The following SGCD variants were observed in gnomAD, a reference collection of about 807,000 sequenced individuals.
The protein encoded by SGCD is sarcoglycan delta, also known as delta-sarcoglycan.
A neutral mutation model predicts 36.6 loss-of-function variants in SGCD; 18 were observed. That is an observed-to-expected ratio of 0.49 (90% CI 0.34 to 0.73). The LOEUF (loss-of-function observed/expected upper bound fraction) is 0.73. Among genes scored for constraint, SGCD ranks in the 30% least tolerant of loss-of-function variants. The probability of loss-of-function intolerance (pLI) is 0.01; values close to 1 mark genes in which losing one functional copy is unlikely to be tolerated. For missense variants in SGCD, 387 were observed against 346.7 expected, an observed-to-expected ratio of 1.12 and a Z score of -0.92; for synonymous variants, 133 against 130.6, an observed-to-expected ratio of 1.02 and a Z score of -0.12.
chr5:156,217,667 C>T (rs1215315077), intron 3 of SGCD, among the ~76,000 whole-genome samples: 1 of 152,128 alleles, frequency 6.6e-6, no homozygotes, highest in African/African-American at 2.4e-5. Flanking sequence ...TTGAACTCTA[C>T]AACAATTTTT....
At chr5:156,000,997 G>C (rs956398420) in intron 1 of SGCD, among the ~76,000 whole-genome samples, 1 of 152,078 alleles carries the variant, frequency 6.6e-6, no homozygotes, top group Non-Finnish European at 1.5e-5. Context: ...ATGAACTTTT[G>C]GGGCTTGTTG....
intron 7 of SGCD, among the ~76,000 whole-genome samples, chr5:156,715,528 T>G (rs527760257): frequency 6.6e-6 from 1 of 152,216 alleles, no homozygotes; most frequent in East Asian, 1.9e-4. Flanking sequence ...TCATCAATCT[T>G]TCCTTCATTC....
chr5:156,493,632 A>G (rs773367963), intron 3 of SGCD, among the ~76,000 whole-genome samples: 2 of 152,118 alleles, frequency 1.3e-5, no homozygotes, highest in Non-Finnish European at 2.9e-5. Flanking sequence ...AATACCTGGC[A>G]TGGTAGTTAA....
intron 6 of SGCD, among the ~76,000 whole-genome samples, chr5:156,643,919 A>T (rs1401731840): frequency 3.3e-5 from 5 of 152,116 alleles, no homozygotes; most frequent in African/African-American, 1.2e-4. Context: ...TGCCTTTTGA[A>T]TCTATTGAAC....
At chr5:156,435,015 T>A (rs984756297) in intron 3 of SGCD, among the ~76,000 whole-genome samples, 2 of 152,228 alleles carry the variant, frequency 1.3e-5, no homozygotes, top group Non-Finnish European at 2.9e-5. Flanking sequence ...GACTTTTTTC[T>A]TAAGATCTGA....
At chr5:156,123,038 G>T (rs1484370739) in intron 2 of SGCD, among the ~76,000 whole-genome samples, 4 of 151,948 alleles carry the variant, frequency 2.6e-5, no homozygotes, top group Admixed American at 1.3e-4. Context: ...GACTGAGAAG[G>T]CATAAACTTA....
intron 3 of SGCD, among the ~76,000 whole-genome samples, chr5:156,347,626 C>A (rs1473640958): frequency 6.6e-6 from 1 of 152,132 alleles, no homozygotes; most frequent in Non-Finnish European, 1.5e-5. Flanking sequence ...CTATTTGAAG[C>A]TATCCTCTTA....
At chr5:156,246,426 A>G (rs1425362398) in intron 3 of SGCD, among the ~76,000 whole-genome samples, 2 of 152,186 alleles carry the variant, frequency 1.3e-5, no homozygotes, top group African/African-American at 4.8e-5. Flanking sequence ...TTAGGAACAA[A>G]AGAATAAGGT....
At chr5:155,858,531 A>G in the SGCD span, among the ~76,000 whole-genome samples, 1 of 152,360 alleles carries the variant, frequency 6.6e-6, no homozygotes, top group Admixed American at 6.5e-5. Context: ...TTATAAACTC[A>G]TCTTTATTGA....
chr5:156,185,416 A>G (rs549941892), intron 3 of SGCD, among the ~76,000 whole-genome samples: 210 of 151,782 alleles, frequency 1.4e-3, no homozygotes, highest in Middle Eastern at 0.014. Context: ...GGGTTTCACC[A>G]CGTTAGCCAG....
intron 1 of SGCD, among the ~76,000 whole-genome samples, chr5:156,032,210 T>C (rs1384065899): frequency 1.3e-5 from 2 of 152,212 alleles, no homozygotes; most frequent in Non-Finnish European, 2.9e-5. Context: ...AATATCAATG[T>C]TAATGGTGAT....
chr5:156,452,547 A>C (rs1754066512), intron 3 of SGCD, among the ~76,000 whole-genome samples: 1 of 152,196 alleles, frequency 6.6e-6, no homozygotes, highest in Admixed American at 6.5e-5. Context: ...ATTTCTTCTT[A>C]GGTAACCCTC....
intron 4 of SGCD, among the ~76,000 whole-genome samples, chr5:156,531,194 C>T (rs1757876507): frequency 6.6e-6 from 1 of 152,140 alleles, no homozygotes; most frequent in Admixed American, 6.6e-5. Context: ...AGTATTCCTC[C>T]CTTGGAGGAT....
At chr5:156,110,570 A>G (rs1193786145) in intron 1 of SGCD, among the ~76,000 whole-genome samples, 2 of 151,970 alleles carry the variant, frequency 1.3e-5, no homozygotes, top group African/African-American at 4.8e-5. Context: ...TGTTATTAGC[A>G]TAAGCAAAAT....
At chr5:155,785,213 G>T in the SGCD span, among the ~76,000 whole-genome samples, 2 of 152,054 alleles carry the variant, frequency 1.3e-5, no homozygotes, top group Admixed American at 6.6e-5. Context: ...AAATACTAAA[G>T]AAATCTTGAA....
the SGCD span, among the ~76,000 whole-genome samples, chr5:155,836,479 C>T: frequency 1.3e-5 from 2 of 150,528 alleles, no homozygotes; most frequent in Admixed American, 1.3e-4. Context: ...CACCCCCGCC[C>T]CGCACTCAAT....
chr5:156,151,534 C>A (rs147635161), intron 3 of SGCD, among the ~76,000 whole-genome samples: 1,973 of 151,626 alleles, frequency 0.013, 86 homozygotes, highest in African/African-American at 0.035. Flanking sequence ...ATGAAAGTAT[C>A]TCCAAATGCC....
At chr5:155,865,552 G>A (rs1348368797), upstream of SGCD, among the ~76,000 whole-genome samples, 1 of 152,068 alleles carries the variant, frequency 6.6e-6, no homozygotes, top group African/African-American at 2.4e-5. Flanking sequence ...GTTGCATTGT[G>A]GAATCTGAGA....
At chr5:156,690,724 G>C (rs1211011430) in intron 7 of SGCD, among the ~76,000 whole-genome samples, 1 of 152,110 alleles carries the variant, frequency 6.6e-6, no homozygotes, top group Non-Finnish European at 1.5e-5. Context: ...GAGTTAGAAG[G>C]CAATTTCAGA....
Sources: allele counts gnomAD v4.1 joint callset (sites outside exome capture counted in the v4.1 genomes callset), GRCh38; gene constraint gnomAD v4.1.1; transcripts MANE v1.5; gene names NCBI Gene and HGNC (gene_info 2026-07-23, HGNC 2026-07-21).